Variants in CRB1 observed in about 807,000 individuals in gnomAD.
CRB1 encodes the protein protein crumbs homolog 1.
A neutral mutation model predicts 120.0 loss-of-function variants in CRB1; 83 were observed. The ratio of observed to expected loss-of-function variants is 0.69; its 90% CI spans 0.58 to 0.83. The LOEUF is 0.83. CRB1 is among the 40% of genes least tolerant of loss of function. CRB1 has a pLI of 0.00. For missense variants in CRB1, 1,699 were observed against 1,687.6 expected, an observed-to-expected ratio of 1.01 and a Z score of -0.12; for synonymous variants, 625 against 612.5, an observed-to-expected ratio of 1.02 and a Z score of -0.30.
the CRB1 span, among the ~76,000 whole-genome samples, chr1:197,215,674 C>T: frequency 2.6e-5 from 4 of 152,130 alleles, no homozygotes; most frequent in Non-Finnish European, 5.9e-5. Flanking sequence ...GACTTTTCCC[C>T]CTTTTACCCA....
At chr1:197,364,529 TC>T (rs1391315823) in intron 5 of CRB1, among the ~76,000 whole-genome samples, 34 of 152,272 alleles carry the variant, frequency 2.2e-4, no homozygotes, top group African/African-American at 7.2e-4. Context: ...AAATATTGGG[TC>T]TTTTGCTATG....
chr1:197,393,964 T>C (rs1662640763), intron 5 of CRB1, among the ~76,000 whole-genome samples: 2 of 152,146 alleles, frequency 1.3e-5, no homozygotes, highest in East Asian at 1.9e-4. Context: ...TATATATAAA[T>C]AGTGTTTAGT....
intron 1 of CRB1, among the ~76,000 whole-genome samples, chr1:197,288,883 C>T (rs899832025): frequency 6.6e-6 from 1 of 151,380 alleles, no homozygotes; most frequent in Non-Finnish European, 1.5e-5. Flanking sequence ...CAAAATTGGA[C>T]TCCCTGAAAA....
At chr1:197,412,287 A>G (rs1663751951) in intron 5 of CRB1, among the ~76,000 whole-genome samples, 1 of 152,382 alleles carries the variant, frequency 6.6e-6, no homozygotes, top group Middle Eastern at 3.4e-3. Flanking sequence ...TCTACAAAAA[A>G]GTTGGTGAAA....
the CRB1 span, among the ~76,000 whole-genome samples, chr1:197,237,915 C>A: frequency 1.3e-5 from 2 of 151,710 alleles, no homozygotes; most frequent in African/African-American, 2.4e-5. Flanking sequence ...TCTTCTTTTT[C>A]TAGGTTCTTG....
In CRB1 at chr1:197,451,762, T is replaced by A. The variant is rs558108106; in HGVS notation, c.4005+9470T>A. ...TAGCAAGAGAGCAATTGGGAAAGTT[T>A]GTTTAAATTGCGCTTTTCTTCTTAA... is the stretch of plus-strand genomic sequence containing the variant. On this transcript the variant is annotated intron_variant, in intron 11 of 11. Transcript: ENST00000367400. 2.0e-5 allele frequency among the ~76,000 whole-genome samples: 3 copies of A among 152,350 alleles called. No homozygotes were observed. In the East Asian group the frequency reaches 5.8e-4, roughly 29 times the overall value.
chr1:197,469,607 C>A (rs1666895420), intron 11 of CRB1, among the ~76,000 whole-genome samples: 1 of 151,794 alleles, frequency 6.6e-6, no homozygotes, highest in Non-Finnish European at 1.5e-5. Context: ...CCACTGTTTT[C>A]TAAAATGAAA....
At chr1:197,398,979 A>G (rs2125428580) in intron 5 of CRB1, among the ~76,000 whole-genome samples, 1 of 151,008 alleles carries the variant, frequency 6.6e-6, no homozygotes, top group Middle Eastern at 3.4e-3. Context: ...TATATGTATA[A>G]TAGTTGTCTA....
the CRB1 span, among the ~76,000 whole-genome samples, chr1:197,217,289 A>T: frequency 6.6e-6 from 1 of 152,170 alleles, no homozygotes; most frequent in South Asian, 2.1e-4. Flanking sequence ...GTTCCTCAAC[A>T]TCAAACATGT....
chr1:197,296,083 T>C (rs1656500074), intron 1 of CRB1, among the ~76,000 whole-genome samples: 1 of 152,066 alleles, frequency 6.6e-6, no homozygotes, highest in South Asian at 2.1e-4. Context: ...TCTAGAACTG[T>C]CTAAACTACA....
At chr1:197,219,036 A>G in the CRB1 span, among the ~76,000 whole-genome samples, 376 of 152,318 alleles carry the variant, frequency 2.5e-3, 3 homozygotes, top group Non-Finnish European at 2.1e-3. Context: ...GCTAACAAGT[A>G]CTATGGGAGC....
chr1:197,374,183 A>G (rs891934051), intron 5 of CRB1, among the ~76,000 whole-genome samples: 1 of 152,204 alleles, frequency 6.6e-6, no homozygotes, highest in Non-Finnish European at 1.5e-5. Context: ...GATGGAAGCC[A>G]TCTAGATAGA....
intron 1 of CRB1, among the ~76,000 whole-genome samples, chr1:197,311,690 A>G (rs984539749): frequency 7.4e-5 from 10 of 134,544 alleles, no homozygotes; most frequent in Admixed American, 2.4e-4. Flanking sequence ...GCATCACCTC[A>G]TATAGTTAGT....
chr1:197,215,850 T>C, the CRB1 span, among the ~76,000 whole-genome samples: 1 of 152,172 alleles, frequency 6.6e-6, no homozygotes, highest in South Asian at 2.1e-4. Context: ...ACTTTTCCCA[T>C]TAATCCAGTC....
At chr1:197,333,599 A>G (rs1049618900) in intron 2 of CRB1, among the ~76,000 whole-genome samples, 14 of 152,234 alleles carry the variant, frequency 9.2e-5, no homozygotes, top group African/African-American at 3.1e-4. Context: ...CTCTATTACA[A>G]AATAGATCTT....
chr1:197,280,952 A>T (rs1472349283), intron 1 of CRB1, among the ~76,000 whole-genome samples: 1 of 151,898 alleles, frequency 6.6e-6, no homozygotes, highest in African/African-American at 2.4e-5. Flanking sequence ...AAATAAACAC[A>T]TCGGGGGCGG....
intron 1 of CRB1, among the ~76,000 whole-genome samples, chr1:197,291,578 C>G (rs1385080990): frequency 2.0e-5 from 3 of 151,758 alleles, no homozygotes; most frequent in African/African-American, 7.3e-5. Flanking sequence ...TTAGTTCATG[C>G]TGTTATCTTT....
chr1:197,369,313 T>C (rs764217074), intron 5 of CRB1, among the ~76,000 whole-genome samples: 6 of 152,112 alleles, frequency 3.9e-5, no homozygotes, highest in Non-Finnish European at 8.8e-5. Flanking sequence ...TCTTCTGATA[T>C]TAACACAGAA....
At chr1:197,264,823 C>T (rs1654596388), upstream of CRB1, among the ~76,000 whole-genome samples, 1 of 151,558 alleles carries the variant, frequency 6.6e-6, no homozygotes. Context: ...CAGGGTTTCA[C>T]CATGTTGGCC....
Sources: gnomAD v4.1 joint callset for allele counts (sites outside exome capture counted in the v4.1 genomes callset) on GRCh38, gnomAD v4.1.1 for gene constraint, MANE v1.5 for transcripts, NCBI Gene and HGNC (gene_info 2026-07-23, HGNC 2026-07-21) for gene names.